Variants in BAIAP2L1 observed in about 807,000 individuals in gnomAD.
BAIAP2L1 encodes BAR/IMD domain containing adaptor protein 2 like 1.
In BAIAP2L1, 35 loss-of-function variants were observed where a neutral mutation model predicts 66.3. The observed-to-expected ratio is 0.53, with a 90% CI of 0.40 to 0.70. The LOEUF (loss-of-function observed/expected upper bound fraction) is 0.70, where lower values mean the gene tolerates loss of function less well. Ranked by LOEUF, BAIAP2L1 falls within the 30% of genes least tolerant of loss-of-function variation. The pLI, the probability that BAIAP2L1 is intolerant of heterozygous loss-of-function variation, is 0.00. For synonymous variants in BAIAP2L1, 269 were observed against 248.7 expected (o/e 1.08, Z -0.77); for missense variants, 622 against 656.9 (o/e 0.95, Z 0.58).
At chr7:98,305,848 A>C (rs987345661) in intron 11 of BAIAP2L1, among the ~76,000 whole-genome samples, 1 of 152,188 alleles carries the variant, frequency 6.6e-6, no homozygotes, top group South Asian at 2.1e-4. Flanking sequence ...CTGATCTGGA[A>C]TACGGATTTG....
At chr7:98,395,186 G>A (rs554432335) in intron 1 of BAIAP2L1, among the ~76,000 whole-genome samples, 65 of 151,598 alleles carry the variant, frequency 4.3e-4, no homozygotes, top group African/African-American at 1.3e-3. Flanking sequence ...ATGCCTGTAA[G>A]CCCAGAACTT....
chr7:98,392,967 TTATA>T (rs201126307), intron 1 of BAIAP2L1, among the ~76,000 whole-genome samples: 1 of 150,678 alleles, frequency 6.6e-6, no homozygotes, highest in Non-Finnish European at 1.5e-5. Context: ...TGATTTTTAT[TTATA>T]TATATAGATA....
In BAIAP2L1 at chr7:98,385,733, T is replaced by G. The variant is rs771106467; in HGVS notation, c.51+15069A>C. The G allele has an allele frequency of 5.5e-6, 7 of 1,278,150 alleles. No individual in the cohort carries two copies. The East Asian group carries it at 1.2e-4, about 21-fold the overall frequency. 79.2% of individuals were successfully genotyped at this position (1,278,150 alleles called of 1,614,324 possible). A position where few individuals can be genotyped will look rare whatever the true frequency, so the allele number is the denominator to read the frequency against. The stretch of plus-strand genomic sequence containing the variant: ...CCAGCCAGGAATCAACATTTCTTTT[T>G]TTTGTTGTTTTTTTTTTCACAAATA... On this transcript the variant is annotated intron_variant, in intron 1 of 13. Coordinates refer to ENST00000005260, the MANE Select transcript of BAIAP2L1 (RefSeq NM_018842.5).
At chr7:98,355,388 A>G in intron 2 of BAIAP2L1, 1 of 494,844 alleles carries the variant, frequency 2.0e-6, no homozygotes, top group Non-Finnish European at 3.7e-6. Flanking sequence ...AAGTCCAGAG[A>G]AGGCTCAGCT....
At chr7:98,393,544 C>T (rs1389849572) in intron 1 of BAIAP2L1, among the ~76,000 whole-genome samples, 1 of 151,908 alleles carries the variant, frequency 6.6e-6, no homozygotes, top group African/African-American at 2.4e-5. Context: ...GTCGCCCAGG[C>T]TGGAGTGCAG....
intron 3 of BAIAP2L1, among the ~76,000 whole-genome samples, chr7:98,320,793 A>G (rs1208782015): frequency 1.3e-5 from 2 of 152,206 alleles, no homozygotes; most frequent in Non-Finnish European, 1.5e-5. Context: ...GAGAGCAAAC[A>G]GCTTCTACAA....
intron 1 of BAIAP2L1, among the ~76,000 whole-genome samples, chr7:98,381,184 T>C (rs1206682971): frequency 1.3e-5 from 2 of 152,170 alleles, no homozygotes; most frequent in Non-Finnish European, 2.9e-5. Context: ...TTTCCAGCTA[T>C]GATTGGGTAG....
intron 1 of BAIAP2L1, among the ~76,000 whole-genome samples, chr7:98,388,162 G>A (rs902935058): frequency 3.3e-4 from 50 of 152,174 alleles, no homozygotes; most frequent in Admixed American, 3.1e-3. Flanking sequence ...GCTATTCTAA[G>A]AGCTTTCATG....
intron 1 of BAIAP2L1, among the ~76,000 whole-genome samples, chr7:98,389,949 A>T (rs1222618189): frequency 9.1e-6 from 1 of 109,964 alleles, no homozygotes; most frequent in Admixed American, 1.1e-4. Context: ...GTAGTCTCGC[A>T]CTGTCGCCCA....
intron 1 of BAIAP2L1, among the ~76,000 whole-genome samples, chr7:98,373,374 A>G (rs980546176): frequency 1.3e-5 from 2 of 152,198 alleles, no homozygotes; most frequent in Non-Finnish European, 2.9e-5. Flanking sequence ...AATATGAGTA[A>G]TGTTTTGGTT....
At position 98,387,951 on chromosome 7, in the gene BAIAP2L1, A is replaced by G. The variant is rs1368709797; in HGVS notation, c.51+12851T>C. On this transcript the variant is annotated intron_variant, in intron 1 of 13. Coordinates refer to ENST00000005260, the MANE Select transcript of BAIAP2L1 (RefSeq NM_018842.5). ...ATATAGCTCCTTCAGGGAGATAAAA[A>G]TGTGTGCCAATATTTTCAACACTAT... Among the ~76,000 whole-genome samples, 5 of 152,220 alleles carry G rather than the reference A, an allele frequency of 3.3e-5. No homozygotes were observed. In the East Asian group the frequency reaches 9.7e-4, roughly 29 times the overall value.
chr7:98,362,315 T>A (rs1802285834), intron 2 of BAIAP2L1, 42 bp downstream of exon 2: 1 of 1,398,272 alleles, frequency 7.2e-7, no homozygotes, highest in East Asian at 2.3e-5. Context: ...ACATATTTAC[T>A]GAGTGGCTTT....
Position 98,326,113 on chromosome 7 carries a change from CAA to C in BAIAP2L1, c.215-5817_215-5816del, listed in dbSNP as rs1464144299. 2.0e-5 allele frequency among the ~76,000 whole-genome samples: 3 copies of C among 152,248 alleles called. No homozygotes were observed. The East Asian group carries it at 5.8e-4, about 29-fold the overall frequency. ...GCCACACAGTGAAACCCCATCTCTC[CAA>C]AAGATACAATGATAAGCTAGGTGTG... On this transcript the variant is annotated intron_variant, in intron 3 of 13. Coordinates refer to ENST00000005260, the MANE Select transcript of BAIAP2L1 (RefSeq NM_018842.5).
At position 98,364,270 on chromosome 7, in the gene BAIAP2L1, C is replaced by T. The variant is rs369827016; in HGVS notation, c.52-1838G>A. On this transcript the variant is annotated intron_variant, in intron 1 of 13. Transcript: ENST00000005260. ...GATGGACAATTGTTTCTTTCCGCCC[C>T]GCCACCTTTGCTTAGTTTTCTGTTT... Among the ~76,000 whole-genome samples the T allele has an allele frequency of 2.9e-4, 44 of 152,280 alleles. No individual in the cohort carries two copies. The East Asian group carries it at 2.9e-3, about 10-fold the overall frequency.
At chr7:98,377,042 A>T (rs1333426393) in intron 1 of BAIAP2L1, among the ~76,000 whole-genome samples, 1 of 152,204 alleles carries the variant, frequency 6.6e-6, no homozygotes, top group East Asian at 1.9e-4. Flanking sequence ...CTAAGGAAGA[A>T]GATATTCTGC....
At chr7:98,329,579 T>C (rs1483197054) in intron 3 of BAIAP2L1, among the ~76,000 whole-genome samples, 1 of 152,190 alleles carries the variant, frequency 6.6e-6, no homozygotes, top group Non-Finnish European at 1.5e-5. Context: ...AGCTTTGTTC[T>C]GTTCCAGTTA....
chr7:98,377,062 A>G (rs1157747953), intron 1 of BAIAP2L1, among the ~76,000 whole-genome samples: 1 of 152,200 alleles, frequency 6.6e-6, no homozygotes, highest in Non-Finnish European at 1.5e-5. Flanking sequence ...CTTAAGGGCT[A>G]CAGAGTCAGC....
chr7:98,331,823 G>C (rs1801501661), intron 3 of BAIAP2L1, among the ~76,000 whole-genome samples: 1 of 152,098 alleles, frequency 6.6e-6, no homozygotes, highest in South Asian at 2.1e-4. Flanking sequence ...GAGGAACAAT[G>C]ATAAGAATGA....
chr7:98,322,835 C>A, intron 3 of BAIAP2L1: 1 of 152,448 alleles, frequency 6.6e-6, no homozygotes, highest in Non-Finnish European at 1.5e-5. Flanking sequence ...GCAGGCGTAA[C>A]ATGTCGCTCC....
Sources: gnomAD v4.1 joint callset for allele counts (sites outside exome capture counted in the v4.1 genomes callset) on GRCh38, gnomAD v4.1.1 for gene constraint, MANE v1.5 for transcripts, NCBI Gene and HGNC (gene_info 2026-07-23, HGNC 2026-07-21) for gene names.